Variants in AMBRA1 observed in about 807,000 individuals in gnomAD.
AMBRA1 encodes the protein autophagy and beclin 1 regulator 1, also known as activating molecule in BECN1-regulated autophagy protein 1.
In AMBRA1, 47 loss-of-function variants were observed where a neutral mutation model predicts 125.4. The observed-to-expected ratio is 0.37, with a 90% confidence interval of 0.30 to 0.48. The LOEUF is 0.48. AMBRA1 is among the 20% of genes least tolerant of loss of function. The pLI is 0.99. For missense variants in AMBRA1, 1,331 were observed against 1,693.4 expected (o/e 0.79, Z 3.76); for synonymous variants, 626 against 655.5 (o/e 0.95, Z 0.69).
intron 11 of AMBRA1, among the ~76,000 whole-genome samples, chr11:46,478,654 T>C (rs939149002): frequency 7.6e-6 from 1 of 131,804 alleles, no homozygotes; most frequent in African/African-American, 2.9e-5. Context: ...TTCTCTTTTT[T>C]TTTTTTTTTT....
At chr11:46,500,818 T>C (rs769378610) in intron 9 of AMBRA1, among the ~76,000 whole-genome samples, 6 of 152,212 alleles carry the variant, frequency 3.9e-5, no homozygotes, top group Non-Finnish European at 8.8e-5. Context: ...TCCATGAAGC[T>C]TTCTCACCTC....
At chr11:46,573,663 C>CTTT (rs142367481) in intron 1 of AMBRA1, among the ~76,000 whole-genome samples, 8 of 138,658 alleles carry the variant, frequency 5.8e-5, no homozygotes, top group African/African-American at 1.3e-4. Context: ...AATCCTTTTT[C>CTTT]TTTTTTTTTT....
At chr11:46,476,727 T>C (rs923110785) in intron 11 of AMBRA1, among the ~76,000 whole-genome samples, 3 of 152,216 alleles carry the variant, frequency 2.0e-5, no homozygotes, top group African/African-American at 7.2e-5. Flanking sequence ...CAGAAAAATA[T>C]TTAGACCAAG....
chr11:46,554,921 A>G (rs1400213826), intron 1 of AMBRA1, among the ~76,000 whole-genome samples: 1 of 152,322 alleles, frequency 6.6e-6, no homozygotes, highest in African/African-American at 2.4e-5. Flanking sequence ...AGCAAAAGAC[A>G]TGGCTAGGAT....
At chr11:46,486,243 G>A (rs775332474) in intron 11 of AMBRA1, among the ~76,000 whole-genome samples, 24 of 152,248 alleles carry the variant, frequency 1.6e-4, no homozygotes, top group East Asian at 1.2e-3. Context: ...TACCAGATGG[G>A]TACACGGCAG....
At chr11:46,482,388 G>A (rs575422572) in intron 11 of AMBRA1, among the ~76,000 whole-genome samples, 3 of 152,180 alleles carry the variant, frequency 2.0e-5, no homozygotes, top group Admixed American at 6.5e-5. Context: ...CCAGTCCAAC[G>A]GAAACCGTAA....
chr11:46,569,334 G>A (rs543904703), intron 1 of AMBRA1, among the ~76,000 whole-genome samples: 30 of 145,102 alleles, frequency 2.1e-4, no homozygotes, highest in Admixed American at 6.3e-4. Context: ...GCATATAATA[G>A]TTTTTGTTTC....
In AMBRA1 at chr11:46,436,382, T is replaced by C. The variant is rs531508433; in HGVS notation, c.2633-1345A>G. ...ATATCAAAAAAGGCATTAGAATACA[T>C]TGATTAGGCTATTGTGCCAACTCGG... On this transcript the variant is annotated intron_variant, in intron 12 of 17. Transcript: ENST00000683756. 1.6e-4 allele frequency among the ~76,000 whole-genome samples: 24 copies of C among 152,350 alleles called. No homozygotes were observed. The South Asian group carries it at 2.5e-3, about 16-fold the overall frequency.
At chr11:46,592,814 G>A (rs1020554401) in intron 1 of AMBRA1, among the ~76,000 whole-genome samples, 3 of 151,626 alleles carry the variant, frequency 2.0e-5, no homozygotes, top group African/African-American at 7.3e-5. Flanking sequence ...ATACTCCCCA[G>A]AAAGCAGACC....
chr11:46,583,649 TTC>T (rs1565324372), intron 1 of AMBRA1, among the ~76,000 whole-genome samples: 1 of 30,932 alleles, frequency 3.2e-5, no homozygotes, highest in Non-Finnish European at 6.7e-5. Context: ...TCAAACAAAT[TTC>T]CAAAAAAAAA....
rs1373055296 is a variant in AMBRA1, at chr11:46,471,171, G to C, written c.2521+22437C>G. Among the ~76,000 whole-genome samples the C allele has an allele frequency of 2.0e-5, 3 of 152,202 alleles. No individual in the cohort carries two copies. The East Asian group carries it at 5.8e-4, about 29-fold the overall frequency. ...GAAATTTGAATTCACGCCAGATGCA[G>C]TGGCTCATGCCTGTAATCCCAGCAC... is the stretch of plus-strand genomic sequence containing the variant. On this transcript the variant is annotated intron_variant, in intron 11 of 17. Coordinates refer to ENST00000683756, the MANE Select transcript of AMBRA1 (RefSeq NM_001387011.1).
In AMBRA1 at chr11:46,397,528, G is replaced by T. The variant is rs771340316; in HGVS notation, c.3819C>A (p.Thr1273=). ...AEGPTLHCEL[T]NNNHLLDGGS... Reference sequence around the variant, plus strand: ...CACCATCCAGAAGGTGGTTGTTATTGGTCAACTCGCAGTGGAGGGTTGGTC... The same window carrying T: ...CACCATCCAGAAGGTGGTTGTTATTTGTCAACTCGCAGTGGAGGGTTGGTC... The change falls in exon 18 of 18, where the codon ACC becomes ACA. Residue 1273 remains threonine, a synonymous_variant. Coordinates refer to ENST00000683756, the MANE Select transcript of AMBRA1 (RefSeq NM_001387011.1). 3 of 1,542,940 alleles carry T rather than the reference G, an allele frequency of 1.9e-6. No homozygotes were observed. Among genetic ancestry groups the T allele is most frequent in the Non-Finnish European group, 1.8e-6 (2 of 1,142,388 alleles).
At chr11:46,464,255 T>G (rs561145313) in intron 11 of AMBRA1, among the ~76,000 whole-genome samples, 97 of 152,358 alleles carry the variant, frequency 6.4e-4, no homozygotes, top group African/African-American at 2.3e-3. Flanking sequence ...GTGAGCAGAC[T>G]TGATGCAGCA....
At chr11:46,492,328 G>A (rs1950492831) in intron 11 of AMBRA1, among the ~76,000 whole-genome samples, 1 of 152,210 alleles carries the variant, frequency 6.6e-6, no homozygotes, top group Non-Finnish European at 1.5e-5. Flanking sequence ...CCATGGCCTT[G>A]ATGCTGTCAC....
At position 46,543,097 on chromosome 11, in the gene AMBRA1, A is replaced by G; in HGVS notation, c.920T>C (p.Ile307Thr). The G allele has an allele frequency of 6.3e-7, 1 of 1,586,966 alleles. No individual in the cohort carries two copies. Among genetic ancestry groups the G allele is most frequent in the Non-Finnish European group, 8.5e-7 (1 of 1,173,564 alleles). ...AGAGCAGCGGCTGCAAAGGCACAGGATCCCAAGGTGCTGGCAGCACTCAGC... is the reference window on the plus strand; with the variant it reads ...AGAGCAGCGGCTGCAAAGGCACAGGGTCCCAAGGTGCTGGCAGCACTCAGC... ...PTAECCQHLG[I>T]LCLCSRCSGT... is the part of the protein sequence containing the mutation. Residue 307 changes from isoleucine to threonine, a missense_variant, in exon 7 of 18, where the codon ATC (isoleucine) becomes ACC (threonine). Physicochemically the swap from Ile to Thr is moderately conservative, Grantham distance 89 (BLOSUM62 -1). Transcript: ENST00000683756.
At chr11:46,489,617 G>A (rs1950394436) in intron 11 of AMBRA1, among the ~76,000 whole-genome samples, 1 of 152,166 alleles carries the variant, frequency 6.6e-6, no homozygotes, top group Admixed American at 6.5e-5. Context: ...AGTAAATTAA[G>A]TATATCAGGT....
chr11:46,522,473 T>C (rs1951805009), intron 7 of AMBRA1, among the ~76,000 whole-genome samples: 1 of 152,064 alleles, frequency 6.6e-6, no homozygotes, highest in African/African-American at 2.4e-5. Flanking sequence ...ACCCAGAATT[T>C]ACCATCAGAG....
chr11:46,452,229 A>G (rs1948638511), intron 11 of AMBRA1, among the ~76,000 whole-genome samples: 1 of 152,208 alleles, frequency 6.6e-6, no homozygotes, highest in South Asian at 2.1e-4. Flanking sequence ...AATAATTAAG[A>G]GTATTGGTGA....
At chr11:46,516,215 G>A (rs1215581151) in intron 7 of AMBRA1, among the ~76,000 whole-genome samples, 1 of 152,000 alleles carries the variant, frequency 6.6e-6, no homozygotes, top group Non-Finnish European at 1.5e-5. Context: ...TCACTTTACT[G>A]CTAATGCACA....
Sources: allele counts gnomAD v4.1 joint callset (sites outside exome capture counted in the v4.1 genomes callset), GRCh38; gene constraint gnomAD v4.1.1; transcripts MANE v1.5; gene names NCBI Gene and HGNC (gene_info 2026-07-23, HGNC 2026-07-21).